The following PELI1 variants were observed in gnomAD, a reference collection of about 807,000 sequenced individuals.
PELI1 encodes pellino E3 ubiquitin protein ligase 1.
In PELI1, 15 loss-of-function variants were observed where a neutral mutation model predicts 41.3. That is an observed-to-expected ratio of 0.36 (90% CI 0.24 to 0.56). The LOEUF is 0.56. Among genes scored for constraint, PELI1 ranks in the 20% least tolerant of loss-of-function variants. The pLI, the probability that PELI1 is intolerant of heterozygous loss-of-function variation, is 0.82. For synonymous variants in PELI1, 178 were observed against 180.1 expected, an observed-to-expected ratio of 0.99 and a Z score of 0.09; for missense variants, 403 against 525.5, an observed-to-expected ratio of 0.77 and a Z score of 2.28.
chr2:64,097,419 A>G (rs1232832049), intron 4 of PELI1, among the ~76,000 whole-genome samples: 2 of 152,156 alleles, frequency 1.3e-5, no homozygotes, highest in African/African-American at 4.8e-5. Flanking sequence ...TTATATATAT[A>G]CTCTTCCTGG....
At chr2:64,110,022 A>G (rs1680753197) in intron 1 of PELI1, among the ~76,000 whole-genome samples, 1 of 152,150 alleles carries the variant, frequency 6.6e-6, no homozygotes, top group Non-Finnish European at 1.5e-5. Flanking sequence ...AGGCGGGAAG[A>G]TCACTTGATG....
rs1467595454 is a variant in PELI1 at position 64,144,303 on chromosome 2, G to A, written c.-292C>T. On this transcript the variant is annotated 5_prime_UTR_variant, in exon 1 of 7. Coordinates refer to ENST00000358912, the MANE Select transcript of PELI1 (RefSeq NM_020651.4). The stretch of plus-strand genomic sequence containing the variant: ...GGGGCTGCTTTGTGGTGCGCTCCCG[G>A]AGGGCTGGGGACCAATTCGACCGCA... 6.6e-6 allele frequency: 1 copy of A among 152,380 alleles called. No individual in the cohort carries two copies. Among genetic ancestry groups the A allele is most frequent in the African/African-American group, 2.4e-5 (1 of 41,580 alleles). 9.4% of individuals were successfully genotyped at this position (152,380 alleles called of 1,614,324 possible). A position where few individuals can be genotyped will look rare whatever the true frequency, so the allele number is the denominator to read the frequency against.
chr2:64,096,628 A>T lies in PELI1; in HGVS notation c.304-18T>A. On this transcript the variant is annotated intron_variant, in intron 4 of 6. Coordinates refer to ENST00000358912, the MANE Select transcript of PELI1 (RefSeq NM_020651.4). ...CGGCCAATCTGAGGGAAAAAAAAAA[A>T]TACCTATAAACCCATTCAAAGAGCA... 1 of 1,529,006 alleles carries T rather than the reference A, an allele frequency of 6.5e-7. No individual in the cohort carries two copies. The highest frequency in any genetic ancestry group is 1.1e-5 in the South Asian group (1 of 89,032). The allele number at this position is 1,529,006 out of a possible 1,614,324, so 94.7% of individuals were successfully genotyped here.
chr2:64,105,672 T>C (rs1042036900), intron 2 of PELI1, among the ~76,000 whole-genome samples: 4 of 152,212 alleles, frequency 2.6e-5, no homozygotes, highest in African/African-American at 9.6e-5. Context: ...TATTCTGAAG[T>C]GACACTGGCA....
chr2:64,136,178 T>C (rs111715260), intron 1 of PELI1, among the ~76,000 whole-genome samples: 11 of 151,718 alleles, frequency 7.3e-5, no homozygotes, highest in South Asian at 4.1e-4. Context: ...AAGATCTTTA[T>C]GAAAAACCAC....
rs907612997 is a variant in PELI1, at chr2:64,093,431, G to A, written c.*1271C>T. ...TGTAGTGCAACTGTCTATACTTGTG[G>A]TGCCTTTGAAAAAAGGGTGGGAAGG... On this transcript the variant is annotated 3_prime_UTR_variant, in exon 7 of 7. Coordinates refer to ENST00000358912, the MANE Select transcript of PELI1 (RefSeq NM_020651.4). The A allele has an allele frequency of 7.9e-5, 12 of 152,594 alleles. No homozygotes were observed. Among genetic ancestry groups the A allele is most frequent in the African/African-American group, 2.9e-4 (12 of 41,450 alleles). 9.5% of individuals were successfully genotyped at this position (152,594 alleles called of 1,614,324 possible). A position where few individuals can be genotyped will look rare whatever the true frequency, so the allele number is the denominator to read the frequency against.
Position 64,104,711 on chromosome 2 carries a change from TGAG to T in PELI1, c.188_190del (p.Pro63del), listed in dbSNP as rs1163553989. The T allele has an allele frequency of 6.3e-7, 1 of 1,577,228 alleles. No individual in the cohort carries two copies. The highest frequency in any genetic ancestry group is 1.4e-5 in the African/African-American group (1 of 72,060). On this transcript the variant is annotated inframe_deletion, in exon 3 of 7. Coordinates refer to ENST00000358912, the MANE Select transcript of PELI1 (RefSeq NM_020651.4). ...TTTTTTTTTTTTTACCTTTGCAGCC[TGAG>T]GAGTACAAGCAATATGCACAGTGCT...
At chr2:64,136,948 G>C (rs1193816414) in intron 1 of PELI1, among the ~76,000 whole-genome samples, 1 of 152,046 alleles carries the variant, frequency 6.6e-6, no homozygotes, top group Non-Finnish European at 1.5e-5. Context: ...CCCACCATTG[G>C]ACATAAATAA....
At chr2:64,118,726 CTTCATAATTT>C (rs1228606082) in intron 1 of PELI1, among the ~76,000 whole-genome samples, 1 of 152,042 alleles carries the variant, frequency 6.6e-6, no homozygotes, top group Admixed American at 6.5e-5. Context: ...TTAACAAATT[CTTCATAATTT>C]TTCCCACCTT....
rs1558468133 is a variant in PELI1, at chr2:64,093,235, GT to G, written c.*1466del. ...AAAAACCAAAAGAAAATTCAGAACA[GT>G]TTTGTAATAGGATAAATTAAAGGTA... On this transcript the variant is annotated 3_prime_UTR_variant, in exon 7 of 7. Coordinates refer to ENST00000358912, the MANE Select transcript of PELI1 (RefSeq NM_020651.4). 6.6e-6 allele frequency: 1 copy of G among 152,548 alleles called. No individual in the cohort carries two copies. Among genetic ancestry groups the G allele is most frequent in the East Asian group, 1.9e-4 (1 of 5,202 alleles). The allele number at this position is 152,548 out of a possible 1,614,324, so 9.4% of individuals were successfully genotyped here.
intron 2 of PELI1, 141 bp from the exon 3 acceptor site, chr2:64,104,971 A>G: frequency 1.5e-6 from 1 of 653,416 alleles, no homozygotes; most frequent in Non-Finnish European, 2.4e-6. Context: ...CCTTTGAGCA[A>G]CTGTTGATCT....
At chr2:64,101,749 C>T (rs532479020) in intron 3 of PELI1, among the ~76,000 whole-genome samples, 2 of 151,912 alleles carry the variant, frequency 1.3e-5, no homozygotes, top group South Asian at 4.2e-4. Flanking sequence ...CAGAAATACC[C>T]TATTTCCAAA....
rs189051233 is a variant in PELI1, at chr2:64,107,167, G to C, written c.71+1073C>G. On this transcript the variant is annotated intron_variant, in intron 2 of 6. Coordinates refer to ENST00000358912, the MANE Select transcript of PELI1 (RefSeq NM_020651.4). ...TGGTCTCGAACTCCTGAGCTCAGGT[G>C]ATCTGCCCACCTAGGCCTCCCACCT... Among the ~76,000 whole-genome samples the C allele has an allele frequency of 3.7e-4, 57 of 152,202 alleles. No homozygotes were observed. In the East Asian group the frequency reaches 0.01, roughly 27 times the overall value.
rs1680145066 is a variant in PELI1 at position 64,094,169 on chromosome 2, A to C, written c.*533T>G. ...AGAGGCTCTCTCGTCCTTCTTCCTAACTTTGCAAATCCTTGAGCTAGGTTG... is the reference window on the plus strand; with the variant it reads ...AGAGGCTCTCTCGTCCTTCTTCCTACCTTTGCAAATCCTTGAGCTAGGTTG... On this transcript the variant is annotated 3_prime_UTR_variant, in exon 7 of 7. Transcript: ENST00000358912. The C allele has an allele frequency of 6.6e-6, 1 of 152,622 alleles. No homozygotes were observed. The highest frequency in any genetic ancestry group is 2.4e-5 in the African/African-American group (1 of 41,406). 9.5% of individuals were successfully genotyped at this position (152,622 alleles called of 1,614,324 possible).
intron 2 of PELI1, among the ~76,000 whole-genome samples, chr2:64,105,081 C>G (rs1408480585): frequency 1.3e-5 from 2 of 150,148 alleles, no homozygotes; most frequent in Non-Finnish European, 1.5e-5. Flanking sequence ...TTCGTGTTAT[C>G]TCTATTTTTT....
intron 1 of PELI1, among the ~76,000 whole-genome samples, chr2:64,115,510 A>AT (rs1680962685): frequency 6.6e-6 from 1 of 152,132 alleles, no homozygotes; most frequent in Admixed American, 6.6e-5. Flanking sequence ...TCTGAACTCT[A>AT]TTTTCCAGAT....
In PELI1 at chr2:64,135,589, T is replaced by C. The variant is rs529311083; in HGVS notation, c.-70+8492A>G. On this transcript the variant is annotated intron_variant, in intron 1 of 6. Coordinates refer to ENST00000358912, the MANE Select transcript of PELI1 (RefSeq NM_020651.4). ...TGGCAAAGGATGATAAAGAGAGCTA[T>C]TGGCAGAGTAATGAATAGATGAAAG... 5.3e-5 allele frequency among the ~76,000 whole-genome samples: 8 copies of C among 152,268 alleles called. No individual in the cohort carries two copies. The South Asian group carries it at 1.0e-3, about 20-fold the overall frequency.
chr2:64,097,912 A>G (rs1680298716), intron 4 of PELI1, among the ~76,000 whole-genome samples: 2 of 152,216 alleles, frequency 1.3e-5, no homozygotes, highest in South Asian at 4.1e-4. Flanking sequence ...TATTCTTAAA[A>G]ATAAAGATAC....
Position 64,104,730 on chromosome 2 carries a change from G to A in PELI1, c.172C>T (p.His58Tyr). Residue 58 changes from histidine (H) to tyrosine (Y), a missense_variant, in exon 3 of 7, where the codon CAT becomes TAT. His to Tyr is a moderately conservative substitution (Grantham distance 83). Transcript: ENST00000358912. ...KANGVKPSTV[H>Y]IACTPQAAKA... is the part of the protein sequence containing the mutation. ...GCAGCCTGAGGAGTACAAGCAATAT[G>A]CACAGTGCTGGGCTTCACCCCATTT... The A allele has an allele frequency of 6.2e-7, 1 of 1,602,094 alleles. No homozygotes were observed.
Sources: gnomAD v4.1 joint callset for allele counts (sites outside exome capture counted in the v4.1 genomes callset) on GRCh38, gnomAD v4.1.1 for gene constraint, MANE v1.5 for transcripts, NCBI Gene and HGNC (gene_info 2026-07-23, HGNC 2026-07-21) for gene names.